Variants in SDC2 observed in about 807,000 individuals in gnomAD.
The protein encoded by SDC2 is syndecan 2.
A neutral mutation model predicts 22.2 loss-of-function variants in SDC2; 13 were observed. The ratio of observed to expected loss-of-function variants is 0.59; its 90% CI spans 0.38 to 0.93. The LOEUF (loss-of-function observed/expected upper bound fraction) is 0.93. Ranked by LOEUF, SDC2 falls within the 40% of genes least tolerant of loss-of-function variation. The pLI, the probability that SDC2 is intolerant of heterozygous loss-of-function variation, is 0.00. For missense variants in SDC2, 235 were observed against 246.8 expected (o/e 0.95, Z 0.32); for synonymous variants, 94 against 92.8 (o/e 1.01, Z -0.07).
intron 3 of SDC2, 110 bp downstream of exon 3, chr8:96,602,638 C>T (rs1815010958): frequency 1.7e-6 from 2 of 1,194,380 alleles, no homozygotes; most frequent in Non-Finnish European, 2.4e-6. Flanking sequence ...TTGGAGCTAC[C>T]CATCATGAAC....
intron 1 of SDC2, among the ~76,000 whole-genome samples, chr8:96,592,659 G>A (rs924703435): frequency 2.0e-5 from 3 of 152,310 alleles, no homozygotes; most frequent in African/African-American, 7.2e-5. Context: ...AACTCTTACT[G>A]AAGAGTTAAG....
At chr8:96,565,442 G>T (rs1271090504) in intron 1 of SDC2, among the ~76,000 whole-genome samples, 2 of 152,024 alleles carry the variant, frequency 1.3e-5, no homozygotes, top group Admixed American at 6.5e-5. Flanking sequence ...CAGGATCCAT[G>T]TACATCTTCA....
intron 1 of SDC2, among the ~76,000 whole-genome samples, chr8:96,534,216 G>A (rs1813715015): frequency 6.6e-6 from 1 of 152,208 alleles, no homozygotes; most frequent in South Asian, 2.1e-4. Context: ...GCAAGCTGAG[G>A]GAGCTGGCCC....
intron 1 of SDC2, among the ~76,000 whole-genome samples, chr8:96,516,537 C>G (rs1025248694): frequency 6.6e-6 from 1 of 151,410 alleles, no homozygotes; most frequent in African/African-American, 2.4e-5. Context: ...ATTTTAATCA[C>G]CCCCCCACCT....
At chr8:96,524,270 A>G (rs1813543469) in intron 1 of SDC2, among the ~76,000 whole-genome samples, 1 of 152,138 alleles carries the variant, frequency 6.6e-6, no homozygotes, top group Admixed American at 6.5e-5. Context: ...TTTTCATGAG[A>G]TTTAACTTCT....
intron 1 of SDC2, among the ~76,000 whole-genome samples, chr8:96,533,219 CACAGTGTGGAAGGGGG>C (rs1472526246): frequency 1.3e-5 from 2 of 152,118 alleles, no homozygotes; most frequent in African/African-American, 4.8e-5. Context: ...ACAAAGCTTC[CACAGTGTGGAAGGGGG>C]ACCCGAGCAG....
intron 1 of SDC2, among the ~76,000 whole-genome samples, chr8:96,584,665 T>C (rs1814651342): frequency 6.6e-6 from 1 of 152,196 alleles, no homozygotes; most frequent in Non-Finnish European, 1.5e-5. Context: ...TTTACTCTAG[T>C]CTAAACTGTG....
chr8:96,519,926 C>T (rs949124695), intron 1 of SDC2, among the ~76,000 whole-genome samples: 5 of 152,264 alleles, frequency 3.3e-5, no homozygotes, highest in South Asian at 4.1e-4. Context: ...CCACGCTCGG[C>T]GTTAGAAGTA....
chr8:96,543,715 C>T (rs1267103891), intron 1 of SDC2, among the ~76,000 whole-genome samples: 1 of 152,158 alleles, frequency 6.6e-6, no homozygotes, highest in Admixed American at 6.5e-5. Flanking sequence ...GTGTGTGCTT[C>T]AGCCTGAGCC....
chr8:96,571,636 A>G (rs1275079509), intron 1 of SDC2, among the ~76,000 whole-genome samples: 2 of 152,066 alleles, frequency 1.3e-5, no homozygotes, highest in African/African-American at 2.4e-5. Flanking sequence ...ATTATTTGCT[A>G]ATTGGTGGGT....
chr8:96,565,243 C>A (rs1483815730), intron 1 of SDC2, among the ~76,000 whole-genome samples: 1 of 151,014 alleles, frequency 6.6e-6, no homozygotes, highest in East Asian at 1.9e-4. Context: ...CGCCACCACA[C>A]CCAGCTAATT....
At chr8:96,535,389 C>G (rs563246153) in intron 1 of SDC2, among the ~76,000 whole-genome samples, 1 of 152,308 alleles carries the variant, frequency 6.6e-6, no homozygotes, top group African/African-American at 2.4e-5. Flanking sequence ...ATCTGGAATT[C>G]AGATTTAACA....
intron 1 of SDC2, among the ~76,000 whole-genome samples, chr8:96,534,096 G>A (rs1466611508): frequency 2.6e-5 from 4 of 152,204 alleles, no homozygotes; most frequent in East Asian, 3.9e-4. Context: ...CCCACTGGCC[G>A]CTCAGAGTGC....
chr8:96,587,527 A>G (rs567819031), intron 1 of SDC2, among the ~76,000 whole-genome samples: 1 of 152,284 alleles, frequency 6.6e-6, no homozygotes, highest in Admixed American at 6.5e-5. Context: ...TTTAGTTTGC[A>G]TGGGTCACCT....
intron 1 of SDC2, among the ~76,000 whole-genome samples, chr8:96,563,817 T>C (rs543272216): frequency 6.6e-6 from 1 of 152,220 alleles, no homozygotes; most frequent in Non-Finnish European, 1.5e-5. Context: ...GAGCTCCTGC[T>C]TGGTGCCAGC....
chr8:96,545,498 T>C (rs1813916753), intron 1 of SDC2, among the ~76,000 whole-genome samples: 1 of 152,038 alleles, frequency 6.6e-6, no homozygotes, highest in South Asian at 2.1e-4. Context: ...AAGGTTTAAG[T>C]GGATGGAGAG....
At chr8:96,584,005 T>C (rs931213923) in intron 1 of SDC2, among the ~76,000 whole-genome samples, 21 of 152,156 alleles carry the variant, frequency 1.4e-4, no homozygotes, top group African/African-American at 5.1e-4. Flanking sequence ...AAACATCTGG[T>C]CAAATAGTAT....
At chr8:96,606,097 A>G (rs569428907) in intron 3 of SDC2, among the ~76,000 whole-genome samples, 1 of 152,292 alleles carries the variant, frequency 6.6e-6, no homozygotes, top group South Asian at 2.1e-4. Context: ...GAACTTAGGA[A>G]GAGTAGTAGA....
At chr8:96,565,392 C>G (rs1184233319) in intron 1 of SDC2, among the ~76,000 whole-genome samples, 1 of 151,992 alleles carries the variant, frequency 6.6e-6, no homozygotes, top group Non-Finnish European at 1.5e-5. Flanking sequence ...ACCCCTAAAT[C>G]TGATTTAATC....
Sources: allele counts gnomAD v4.1 joint callset (sites outside exome capture counted in the v4.1 genomes callset), GRCh38; gene constraint gnomAD v4.1.1; transcripts MANE v1.5; gene names NCBI Gene and HGNC (gene_info 2026-07-23, HGNC 2026-07-21).